The following CRACD variants were observed in gnomAD, a reference collection of about 807,000 sequenced individuals.
CRACD encodes capping protein-inhibiting regulator of actin dynamics.
In CRACD, 56 loss-of-function variants were observed where a neutral mutation model predicts 106.8. The ratio of observed to expected loss-of-function variants is 0.52; its 90% CI spans 0.42 to 0.66. The LOEUF is 0.66. CRACD is among the 30% of genes least tolerant of loss of function. The pLI is 0.00. For synonymous variants in CRACD, 754 were observed against 670.8 expected, an observed-to-expected ratio of 1.12 and a Z score of -1.92; for missense variants, 1,730 against 1,623.2, an observed-to-expected ratio of 1.07 and a Z score of -1.13.
At chr4:56,071,361 A>T (rs956046765) in intron 1 of CRACD, among the ~76,000 whole-genome samples, 1 of 152,140 alleles carries the variant, frequency 6.6e-6, no homozygotes, top group Non-Finnish European at 1.5e-5. Flanking sequence ...AAAGTAATGG[A>T]TGATTATTCT....
At chr4:56,274,459 T>G (rs1742557203) in intron 3 of CRACD, among the ~76,000 whole-genome samples, 1 of 114,402 alleles carries the variant, frequency 8.7e-6, no homozygotes, top group Non-Finnish European at 1.8e-5. Context: ...TGAGCCATGT[T>G]GGACTCTTAC....
intron 9 of CRACD, 112 bp downstream of exon 9, chr4:56,323,679 G>A: frequency 9.9e-7 from 1 of 1,014,706 alleles, no homozygotes; most frequent in Non-Finnish European, 1.4e-6. Context: ...TACTTAGAGA[G>A]GGCCAAGCAG....
chr4:56,313,909 C>G (rs1745320096), intron 7 of CRACD, 131 bp from the exon 8 acceptor site: 4 of 1,255,202 alleles, frequency 3.2e-6, no homozygotes, highest in Admixed American at 2.5e-5. Context: ...TTAGCTATCC[C>G]TGAACTTGAG....
chr4:56,138,371 C>G (rs1020085605), intron 1 of CRACD, among the ~76,000 whole-genome samples: 3 of 151,836 alleles, frequency 2.0e-5, no homozygotes, highest in African/African-American at 4.8e-5. Flanking sequence ...GGCTAAAGCA[C>G]GAAAACTGCT....
intron 3 of CRACD, among the ~76,000 whole-genome samples, chr4:56,281,143 G>A (rs972642130): frequency 1.2e-4 from 18 of 152,278 alleles, no homozygotes; most frequent in African/African-American, 3.9e-4. Context: ...GAACCAGGCC[G>A]CACAGCAGGG....
At chr4:56,317,786 C>T (rs1745779626) in intron 8 of CRACD, among the ~76,000 whole-genome samples, 1 of 145,486 alleles carries the variant, frequency 6.9e-6, no homozygotes, top group South Asian at 2.3e-4. Context: ...CTCACCACTG[C>T]AGAGCCCTCC....
In CRACD at chr4:56,092,903, G is replaced by C. The variant is rs58187701; in HGVS notation, c.-336+43604G>C. 4.6e-3 allele frequency among the ~76,000 whole-genome samples: 698 copies of C among 152,186 alleles called. 19 individuals are homozygous for C. In the East Asian group the frequency reaches 0.065, roughly 14 times the overall value. ...TGGGGTTATAGGCATGAGCCACCAC[G>C]CTCGGCCTCTTTTTAACTTTTTTAA... On this transcript the variant is annotated intron_variant, in intron 1 of 10. Transcript: ENST00000682029.
chr4:56,315,707 C>G lies in CRACD; in HGVS notation c.2205C>G (p.Thr735=). Residue 735 remains threonine, a synonymous_variant, in exon 8 of 11, where the codon ACC becomes ACG. Coordinates refer to ENST00000682029, the MANE Select transcript of CRACD (RefSeq NM_001393381.1). The surrounding 1 kb of genome is among the most constrained non-coding windows in gnomAD (Gnocchi z 4.1). The stretch of plus-strand genomic sequence containing the variant: ...AATTTTCCGATGGTGGCACGGAGAC[C>G]TCCAAACAGAGCACGGAAGCTGAAA... ...WQKFSDGGTE[T]SKQSTEAESI... 1 of 1,614,230 alleles carries G rather than the reference C, an allele frequency of 6.2e-7. No homozygotes were observed. The highest frequency in any genetic ancestry group is 8.5e-7 in the Non-Finnish European group (1 of 1,180,050).
At chr4:56,079,478 T>C (rs1732953007) in intron 1 of CRACD, among the ~76,000 whole-genome samples, 1 of 151,720 alleles carries the variant, frequency 6.6e-6, no homozygotes, top group Admixed American at 6.6e-5. Context: ...TGGGGTTTTG[T>C]TCTGTCATGC....
chr4:56,305,716 T>C (rs1312551160), intron 4 of CRACD, among the ~76,000 whole-genome samples: 1 of 152,220 alleles, frequency 6.6e-6, no homozygotes, highest in Non-Finnish European at 1.5e-5. Context: ...TGCCTGGCTG[T>C]GCTCCTGACT....
chr4:56,252,194 G>A (rs11942471), intron 2 of CRACD, among the ~76,000 whole-genome samples: 1,956 of 152,194 alleles, frequency 0.013, 43 homozygotes, highest in African/African-American at 0.04. Flanking sequence ...CCAAAAAACT[G>A]CTTTACTTAT....
intron 10 of CRACD, among the ~76,000 whole-genome samples, 177 bp downstream of exon 10, chr4:56,324,443 C>T (rs1397419854): frequency 6.6e-6 from 1 of 152,202 alleles, no homozygotes; most frequent in Non-Finnish European, 1.5e-5. Context: ...TAAAGACCAC[C>T]AGGAGCTCAC....
At chr4:56,053,999 G>A (rs1272061193) in intron 1 of CRACD, among the ~76,000 whole-genome samples, 5 of 152,134 alleles carry the variant, frequency 3.3e-5, no homozygotes, top group Admixed American at 1.3e-4. Context: ...GTTGCAGCAA[G>A]CCTGTGTTTT....
At chr4:56,303,759 C>A (rs1053441168) in intron 4 of CRACD, among the ~76,000 whole-genome samples, 1 of 152,212 alleles carries the variant, frequency 6.6e-6, no homozygotes, top group Non-Finnish European at 1.5e-5. Context: ...GAGCACCATG[C>A]GTCGGACCCT....
chr4:56,240,505 A>AT (rs1353635313), intron 2 of CRACD, among the ~76,000 whole-genome samples: 1 of 152,054 alleles, frequency 6.6e-6, no homozygotes, highest in African/African-American at 2.4e-5. Flanking sequence ...TGCATGCCTG[A>AT]TCCTTTTCTT....
At chr4:56,175,053 C>T (rs193200598) in intron 1 of CRACD, among the ~76,000 whole-genome samples, 54 of 152,290 alleles carry the variant, frequency 3.5e-4, no homozygotes, top group African/African-American at 1.3e-3. Context: ...GATCCAGTCA[C>T]CTCTCACCAG....
At position 56,297,982 on chromosome 4, in the gene CRACD, C is replaced by G. The variant is rs1399147831; in HGVS notation, c.-16-232C>G. 7 of 404,072 alleles carry G rather than the reference C, an allele frequency of 1.7e-5. No individual in the cohort carries two copies. In the East Asian group the frequency reaches 2.4e-4, roughly 14 times the overall value. The allele number at this position is 404,072 out of a possible 1,614,324, so 25.0% of individuals were successfully genotyped here. ...GGATCCTATACAAATAAGTAACTGT[C>G]TTTGTGTTCTCACGGTGAATGGCTC... is the stretch of plus-strand genomic sequence containing the variant. On this transcript the variant is annotated intron_variant, in intron 3 of 10. Coordinates refer to ENST00000682029, the MANE Select transcript of CRACD (RefSeq NM_001393381.1).
At chr4:56,255,128 A>C (rs1042394898) in intron 2 of CRACD, among the ~76,000 whole-genome samples, 4 of 149,634 alleles carry the variant, frequency 2.7e-5, no homozygotes, top group African/African-American at 4.9e-5. Context: ...AAAAAAAAAA[A>C]AAAAAACTAA....
intron 2 of CRACD, among the ~76,000 whole-genome samples, chr4:56,230,082 T>G (rs948738824): frequency 1.3e-5 from 2 of 152,220 alleles, no homozygotes; most frequent in African/African-American, 2.4e-5. Context: ...TGAAAATAGT[T>G]CATATCTCTC....
Sources: allele counts gnomAD v4.1 joint callset (sites outside exome capture counted in the v4.1 genomes callset), GRCh38; gene constraint gnomAD v4.1.1; non-coding constraint Gnocchi (gnomAD v3.1); transcripts MANE v1.5; gene names NCBI Gene and HGNC (gene_info 2026-07-23, HGNC 2026-07-21).